CD109: variants seen among roughly 807,000 people sequenced by gnomAD.
The protein encoded by CD109 is CD109 antigen.
A neutral mutation model predicts 165.8 loss-of-function variants in CD109; 149 were observed. The observed-to-expected ratio is 0.90, with a 90% confidence interval of 0.79 to 1.03. The LOEUF is 1.03. CD109 is among the 50% of genes least tolerant of loss of function. The pLI, the probability that CD109 is intolerant of heterozygous loss-of-function variation, is 0.00. For synonymous variants in CD109, 585 were observed against 592.1 expected, an observed-to-expected ratio of 0.99 and a Z score of 0.18; for missense variants, 1,712 against 1,677.8, an observed-to-expected ratio of 1.02 and a Z score of -0.36.
chr6:73,708,460 C>T (rs529680941), intron 2 of CD109, among the ~76,000 whole-genome samples: 2 of 152,210 alleles, frequency 1.3e-5, no homozygotes, highest in African/African-American at 4.8e-5. Context: ...AATAAACATA[C>T]GTGTGCATGT....
At chr6:73,774,134 A>G (rs1774149121) in intron 15 of CD109, among the ~76,000 whole-genome samples, 1 of 151,920 alleles carries the variant, frequency 6.6e-6, no homozygotes, top group Non-Finnish European at 1.5e-5. Flanking sequence ...CCTTGTGTAT[A>G]TTTGCTATGC....
chr6:73,716,625 A>G (rs2150161706), intron 2 of CD109, among the ~76,000 whole-genome samples: 1 of 152,006 alleles, frequency 6.6e-6, no homozygotes, highest in African/African-American at 2.4e-5. Flanking sequence ...TTTTAATTGG[A>G]TTATTAGATT....
Position 73,815,103 on chromosome 6 carries a change from G to A in CD109, c.3891G>A (p.Val1297=). The stretch of plus-strand genomic sequence containing the variant: ...AAAATAAAGATGATCTCAATCATGT[G>A]GATTTGAATGTGTGTACAAGGTAAG... ...VKENKDDLNH[V]DLNVCTSFSG... The change falls in exon 30 of 33, where the codon GTG becomes GTA. Residue 1297 remains valine (V), a synonymous_variant. Transcript: ENST00000287097. 6.3e-7 allele frequency: 1 copy of A among 1,585,780 alleles called. No homozygotes were observed. Among genetic ancestry groups the A allele is most frequent in the Non-Finnish European group, 8.5e-7 (1 of 1,171,294 alleles).
chr6:73,704,957 A>G (rs1437364337), intron 2 of CD109, among the ~76,000 whole-genome samples: 1 of 152,222 alleles, frequency 6.6e-6, no homozygotes, highest in East Asian at 1.9e-4. Context: ...AGAGCTATAC[A>G]GATGTCCATT....
At chr6:73,697,230 T>C (rs533546790) in intron 1 of CD109, among the ~76,000 whole-genome samples, 170 bp from the exon 2 acceptor site, 61 of 152,232 alleles carry the variant, frequency 4.0e-4, no homozygotes, top group Non-Finnish European at 7.9e-4. Flanking sequence ...TATTGTTGTT[T>C]CAGTAGCATT....
chr6:73,814,898 T>C (rs539759123), intron 29 of CD109, 83 bp from the exon 30 acceptor site: 1 of 933,920 alleles, frequency 1.1e-6, no homozygotes, highest in African/African-American at 1.7e-5. Flanking sequence ...CCAAAGAGAA[T>C]CATTACCTAA....
chr6:73,788,350 T>C lies in CD109; in HGVS notation c.2557-118T>C, dbSNP rs918554360. On this transcript the variant is annotated intron_variant, in intron 21 of 32. Transcript: ENST00000287097. ...CAAAATAAGAAATGATAGGTGCCTA[T>C]TTAGCCACACACAAACCTCAGACAC... The C allele has an allele frequency of 1.3e-5, 9 of 689,138 alleles. No homozygotes were observed. The Admixed American group carries it at 2.2e-4, about 17-fold the overall frequency. The allele number at this position is 689,138 out of a possible 1,614,324, so 42.7% of individuals were successfully genotyped here.
intron 5 of CD109, among the ~76,000 whole-genome samples, chr6:73,752,689 G>C (rs1773240259): frequency 6.6e-6 from 1 of 152,138 alleles, no homozygotes; most frequent in African/African-American, 2.4e-5. Flanking sequence ...ACCATATTGG[G>C]GAAAGAAGAG....
At chr6:73,728,727 C>A (rs1772232994) in intron 3 of CD109, among the ~76,000 whole-genome samples, 1 of 152,132 alleles carries the variant, frequency 6.6e-6, no homozygotes, top group South Asian at 2.1e-4. Context: ...ATTGGAAAAT[C>A]CCCTTTGAGC....
In CD109 at chr6:73,697,440, G is replaced by A. The variant is rs1463814094; in HGVS notation, c.115G>A (p.Gly39Arg). 6 of 1,613,978 alleles carry A rather than the reference G, an allele frequency of 3.7e-6. No homozygotes were observed. In the Admixed American group the frequency reaches 5.0e-5, roughly 13 times the overall value. ...LVTAPGIIRP[G>R]GNVTIGVELL... ...GACAGCCCCAGGGATCATCAGGCCC[G>A]GAGGAAATGTGACTATTGGGGTGGA... is the stretch of plus-strand genomic sequence containing the variant. Residue 39 changes from glycine (G) to arginine (R), a missense_variant, in exon 2 of 33, where the codon GGA becomes AGA. By Grantham distance (125) the Gly-to-Arg change is moderately radical. Transcript: ENST00000287097.
chr6:73,791,162 T>TATATACACATACAC lies in CD109; in HGVS notation c.2702-1459_2702-1458insCACATACACATATA, dbSNP rs1562070937. ...ATATATATATATATATATATATATATATATATATATATATACACACACACA... is the reference window on the plus strand; with the variant it reads ...ATATATATATATATATATATATATATATATACACATACACATATATATATATATACACACACACA... On this transcript the variant is annotated intron_variant, in intron 22 of 32. Coordinates refer to ENST00000287097, the MANE Select transcript of CD109 (RefSeq NM_133493.5). Among the ~76,000 whole-genome samples, 98 of 36,294 alleles carry TATATACACATACAC rather than the reference T, an allele frequency of 2.7e-3. 3 individuals carry two copies. The highest frequency in any genetic ancestry group is 7.0e-3 in the African/African-American group (69 of 9,924). 23.8% of individuals were successfully genotyped at this position (36,294 alleles called of 152,430 possible). A position where few individuals can be genotyped will look rare whatever the true frequency, so the allele number is the denominator to read the frequency against.
intron 17 of CD109, among the ~76,000 whole-genome samples, chr6:73,781,572 G>T (rs1298063356): frequency 2.6e-5 from 4 of 152,110 alleles, no homozygotes; most frequent in African/African-American, 9.7e-5. Context: ...CTTTGAGGTA[G>T]TTATATTTTT....
Position 73,697,624 on chromosome 6 carries a change from G to C in CD109, c.247+52G>C, listed in dbSNP as rs946511797. The C allele has an allele frequency of 2.6e-6, 4 of 1,519,920 alleles. No individual in the cohort carries two copies. The Admixed American group carries it at 7.1e-5, about 27-fold the overall frequency. The allele number at this position is 1,519,920 out of a possible 1,614,324, so 94.2% of individuals were successfully genotyped here. On this transcript the variant is annotated intron_variant, in intron 2 of 32. Transcript: ENST00000287097. Reference sequence around the variant, plus strand: ...CCTTCTGCAGTAATAACTGGAATATGTTAATAAGGTCATGTGTTAGGTAGT... The same window carrying C: ...CCTTCTGCAGTAATAACTGGAATATCTTAATAAGGTCATGTGTTAGGTAGT...
At chr6:73,760,252 A>G (rs1773564507) in intron 7 of CD109, among the ~76,000 whole-genome samples, 1 of 151,702 alleles carries the variant, frequency 6.6e-6, no homozygotes, top group Non-Finnish European at 1.5e-5. Flanking sequence ...CTGAAAATAC[A>G]AAAAATTAGC....
At chr6:73,745,705 C>T (rs1220260038) in intron 5 of CD109, among the ~76,000 whole-genome samples, 1 of 152,080 alleles carries the variant, frequency 6.6e-6, no homozygotes, top group Admixed American at 6.5e-5. Flanking sequence ...TAACCTTGGT[C>T]ATATGAGGCT....
chr6:73,763,936 A>G lies in CD109; in HGVS notation c.1107+251A>G, dbSNP rs113870638. On this transcript the variant is annotated intron_variant, in intron 10 of 32. Coordinates refer to ENST00000287097, the MANE Select transcript of CD109 (RefSeq NM_133493.5). The stretch of plus-strand genomic sequence containing the variant: ...TTTTTTTACAAGCAATTTAAGTTAG[A>G]TGTGGATTGCTACACTGAAGCTTTT... 0.015 allele frequency among the ~76,000 whole-genome samples: 2,280 copies of G among 152,284 alleles called. 58 individuals are homozygous for G. The highest frequency in any genetic ancestry group is 0.051 in the African/African-American group (2,128 of 41,546).
chr6:73,734,889 T>C (rs72955215), intron 4 of CD109, among the ~76,000 whole-genome samples: 4,227 of 152,320 alleles, frequency 0.028, 92 homozygotes, highest in East Asian at 0.042. Context: ...AAATAAAATA[T>C]GTAAAATAAA....
intron 24 of CD109, among the ~76,000 whole-genome samples, chr6:73,805,638 C>T (rs1449524054): frequency 6.6e-6 from 1 of 152,186 alleles, no homozygotes; most frequent in Non-Finnish European, 1.5e-5. Flanking sequence ...CAGACTATCA[C>T]ATGGGGAGAA....
intron 2 of CD109, among the ~76,000 whole-genome samples, chr6:73,702,492 G>T (rs1175517376): frequency 6.6e-6 from 1 of 152,208 alleles, no homozygotes; most frequent in Non-Finnish European, 1.5e-5. Flanking sequence ...ACATAACTCA[G>T]TCTGAACCTG....
Sources: allele counts gnomAD v4.1 joint callset (sites outside exome capture counted in the v4.1 genomes callset), GRCh38; gene constraint gnomAD v4.1.1; transcripts MANE v1.5; gene names NCBI Gene and HGNC (gene_info 2026-07-23, HGNC 2026-07-21).